The following GCH1 variants were observed in gnomAD, a reference collection of about 807,000 sequenced individuals.
GCH1 encodes the protein GTP cyclohydrolase I.
In GCH1, 5 loss-of-function variants were observed where a neutral mutation model predicts 25.9. The observed-to-expected ratio is 0.19, with a 90% CI of 0.10 to 0.41. The LOEUF (loss-of-function observed/expected upper bound fraction) is 0.41, where lower values mean the gene tolerates loss of function less well. Among genes scored for constraint, GCH1 ranks in the 10% least tolerant of loss-of-function variants. The pLI is 1.00. For synonymous variants in GCH1, 159 were observed against 129.6 expected, an observed-to-expected ratio of 1.23 and a Z score of -1.54; for missense variants, 261 against 336.5, an observed-to-expected ratio of 0.78 and a Z score of 1.75.
intron 1 of GCH1, among the ~76,000 whole-genome samples, chr14:54,870,124 T>C (rs911005810): frequency 2.6e-5 from 4 of 152,150 alleles, no homozygotes; most frequent in African/African-American, 9.7e-5. Context: ...ACTGCATACG[T>C]TTGTTAAAAT....
intron 1 of GCH1, among the ~76,000 whole-genome samples, chr14:54,895,313 A>G (rs1423810068): frequency 2.0e-5 from 3 of 152,232 alleles, no homozygotes; most frequent in African/African-American, 4.8e-5. Flanking sequence ...GCTGGATTAT[A>G]TGCATGCTTC....
At chr14:54,861,732 A>G (rs1359195499) in intron 2 of GCH1, among the ~76,000 whole-genome samples, 1 of 152,118 alleles carries the variant, frequency 6.6e-6, no homozygotes, top group Non-Finnish European at 1.5e-5. Flanking sequence ...AAAAAAAAAA[A>G]AAAAATCACT....
At chr14:54,881,684 T>C (rs2040274962) in intron 1 of GCH1, among the ~76,000 whole-genome samples, 1 of 152,194 alleles carries the variant, frequency 6.6e-6, no homozygotes, top group Admixed American at 6.6e-5. Context: ...ACAGCTTTGA[T>C]ATGCTCCACA....
rs557236400 is a variant in GCH1 at position 54,900,803 on chromosome 14, A to C, written c.343+1518T>G. 5.9e-5 allele frequency among the ~76,000 whole-genome samples: 9 copies of C among 151,696 alleles called. No individual in the cohort carries two copies. In the East Asian group the frequency reaches 1.7e-3, roughly 29 times the overall value. On this transcript the variant is annotated intron_variant, in intron 1 of 5. Coordinates refer to ENST00000491895, the MANE Select transcript of GCH1 (RefSeq NM_000161.3). ...TTCTGTGTCTGCAAGGGGCAAAATGAGTAAGGCCTTAAGAAGACATTTCAT... is the reference window on the plus strand; with the variant it reads ...TTCTGTGTCTGCAAGGGGCAAAATGCGTAAGGCCTTAAGAAGACATTTCAT...
chr14:54,899,791 A>AAT (rs1267816674), intron 1 of GCH1, among the ~76,000 whole-genome samples: 1 of 152,174 alleles, frequency 6.6e-6, no homozygotes, highest in Non-Finnish European at 1.5e-5. Context: ...CATACTCATT[A>AAT]AACAATCACT....
Position 54,882,833 on chromosome 14 carries a change from C to A in GCH1, c.344-17397G>T, listed in dbSNP as rs552809283. Among the ~76,000 whole-genome samples the A allele has an allele frequency of 8.5e-5, 13 of 152,308 alleles. No individual in the cohort carries two copies. In the East Asian group the frequency reaches 2.5e-3, roughly 29 times the overall value. On this transcript the variant is annotated intron_variant, in intron 1 of 5. Coordinates refer to ENST00000491895, the MANE Select transcript of GCH1 (RefSeq NM_000161.3). ...TCCAAGTAAGTACCATCAGAGTGCG[C>A]AAGCCACCATCATTAGTGACAGATG...
At chr14:54,890,560 A>T (rs2040410880) in intron 1 of GCH1, among the ~76,000 whole-genome samples, 1 of 152,224 alleles carries the variant, frequency 6.6e-6, no homozygotes, top group Non-Finnish European at 1.5e-5. Flanking sequence ...TGTCAGGTTA[A>T]AATTCATTAC....
chr14:54,869,743 G>T (rs1489487333), intron 1 of GCH1, among the ~76,000 whole-genome samples: 1 of 152,150 alleles, frequency 6.6e-6, no homozygotes, highest in Non-Finnish European at 1.5e-5. Flanking sequence ...GCCTCCCAAA[G>T]TGCTGGGATT....
intron 1 of GCH1, among the ~76,000 whole-genome samples, chr14:54,879,926 C>T (rs1001949086): frequency 6.9e-5 from 10 of 144,606 alleles, no homozygotes; most frequent in Non-Finnish European, 1.0e-4. Context: ...CGGAGGTTGC[C>T]GTGAGCCAAC....
chr14:54,902,157 G>C (rs1178504541), intron 1 of GCH1, among the ~76,000 whole-genome samples, 164 bp downstream of exon 1: 1 of 152,198 alleles, frequency 6.6e-6, no homozygotes, highest in Non-Finnish European at 1.5e-5. Context: ...GCCCCACGCA[G>C]GGCCTCGGCA....
chr14:54,870,671 A>T (rs1161657202), intron 1 of GCH1, among the ~76,000 whole-genome samples: 1 of 152,152 alleles, frequency 6.6e-6, no homozygotes, highest in African/African-American at 2.4e-5. Context: ...TTTTCCAACG[A>T]TCTTAGCAAA....
intron 1 of GCH1, chr14:54,885,378 C>T: frequency 3.9e-6 from 1 of 257,876 alleles, no homozygotes; most frequent in Non-Finnish European, 8.0e-6. Context: ...CCAGGGTCTG[C>T]CTGATCTCTG....
chr14:54,886,031 A>G, intron 1 of GCH1: 1 of 242,262 alleles, frequency 4.1e-6, no homozygotes, highest in Non-Finnish European at 8.2e-6. Flanking sequence ...AGCATCATCA[A>G]ACCCTAGTGG....
chr14:54,882,204 T>C (rs1173227455), intron 1 of GCH1, among the ~76,000 whole-genome samples: 1 of 152,062 alleles, frequency 6.6e-6, no homozygotes, highest in Non-Finnish European at 1.5e-5. Flanking sequence ...AATAAAAGAG[T>C]CCAGAGCTCA....
chr14:54,870,929 A>G (rs1442483581), intron 1 of GCH1, among the ~76,000 whole-genome samples: 2 of 152,248 alleles, frequency 1.3e-5, no homozygotes, highest in Admixed American at 6.5e-5. Context: ...GGGGCACGGC[A>G]TAGCCGAACA....
chr14:54,880,541 TATATATATACTCCATATATATATACTCC>T (rs2040237991), intron 1 of GCH1, among the ~76,000 whole-genome samples: 5 of 78,978 alleles, frequency 6.3e-5, no homozygotes, highest in African/African-American at 2.3e-4. Context: ...ATACTCCATA[TATATATATACTCCATATATATATACTCC>T]ATATATATAT....
chr14:54,883,240 C>A (rs1236037537), intron 1 of GCH1, among the ~76,000 whole-genome samples: 1 of 151,506 alleles, frequency 6.6e-6, no homozygotes, highest in African/African-American at 2.4e-5. Flanking sequence ...GGCACGGTGG[C>A]GCGTGCCTGT....
intron 1 of GCH1, among the ~76,000 whole-genome samples, chr14:54,874,194 A>C (rs1335731073): frequency 6.6e-6 from 1 of 152,260 alleles, no homozygotes; most frequent in African/African-American, 2.4e-5. Context: ...CAACATATGC[A>C]AATCAATAAA....
At chr14:54,868,468 T>C (rs1236136633) in intron 1 of GCH1, among the ~76,000 whole-genome samples, 3 of 151,768 alleles carry the variant, frequency 2.0e-5, no homozygotes, top group Non-Finnish European at 4.4e-5. Flanking sequence ...ATCAAAGTCA[T>C]GAAAGACACA....
Sources: gnomAD v4.1 joint callset for allele counts (sites outside exome capture counted in the v4.1 genomes callset) on GRCh38, gnomAD v4.1.1 for gene constraint, MANE v1.5 for transcripts, NCBI Gene and HGNC (gene_info 2026-07-23, HGNC 2026-07-21) for gene names.